Variants in CCDC88A observed in about 807,000 individuals in gnomAD.
The protein encoded by CCDC88A is coiled-coil and HOOK domain protein 88A.
In CCDC88A, 54 loss-of-function variants were observed where a neutral mutation model predicts 234.3. The observed-to-expected ratio is 0.23, with a 90% CI of 0.19 to 0.29. The LOEUF is 0.29. Ranked by LOEUF, CCDC88A falls within the 10% of genes least tolerant of loss-of-function variation. CCDC88A has a pLI of 1.00. For missense variants in CCDC88A, 1,832 were observed against 2,123.4 expected (o/e 0.86, Z 2.70); for synonymous variants, 753 against 737.8 (o/e 1.02, Z -0.33).
intron 4 of CCDC88A, 34 bp from the exon 5 acceptor site, chr2:55,372,544 T>C: frequency 9.8e-7 from 1 of 1,015,600 alleles, no homozygotes; most frequent in Non-Finnish European, 1.5e-6. Flanking sequence ...GACAACATTC[T>C]GCTATATTTT....
At position 55,335,424 on chromosome 2, in the gene CCDC88A, G is replaced by T. The variant is rs1414558107; in HGVS notation, c.1657-260C>A. Among the ~76,000 whole-genome samples, 2 of 152,168 alleles carry T rather than the reference G, an allele frequency of 1.3e-5. No individual in the cohort carries two copies. The highest frequency in any genetic ancestry group is 2.4e-5 in the African/African-American group (1 of 41,446). ...GTTCACAGTTTAAAGGAACGGTTGA[G>T]AAATGTATTTTCTATTAATCATAAT... On this transcript the variant is annotated intron_variant, in intron 14 of 32. Transcript: ENST00000436346. The surrounding 1 kb of genome is among the most constrained non-coding windows in gnomAD (Gnocchi z 4.5).
At chr2:55,295,308 C>G (rs1363367313) in intron 31 of CCDC88A, 2 of 1,450,582 alleles carry the variant, frequency 1.4e-6, no homozygotes, top group Admixed American at 2.1e-5. Flanking sequence ...AGGTAACCCA[C>G]TTATGTTACT....
At chr2:55,378,738 C>CTTTT (rs79242911) in intron 3 of CCDC88A, among the ~76,000 whole-genome samples, 5 of 142,884 alleles carry the variant, frequency 3.5e-5, no homozygotes, top group African/African-American at 5.4e-5. Flanking sequence ...TACACATATA[C>CTTTT]TTTTTTTTTT....
At chr2:55,303,268 G>C (rs1343920840) in intron 25 of CCDC88A, 116 bp from the exon 26 acceptor site, 19 of 694,024 alleles carry the variant, frequency 2.7e-5, no homozygotes, top group Non-Finnish European at 4.2e-5. Context: ...TTGAGTTTTA[G>C]CTATGTATGC....
chr2:55,331,475 C>T (rs2576716), intron 16 of CCDC88A, among the ~76,000 whole-genome samples: 70,604 of 151,898 alleles, frequency 0.46, 17,783 homozygotes, highest in East Asian at 0.85. Flanking sequence ...CATTAATTCT[C>T]CCAATATACA....
At chr2:55,364,148 T>G in intron 5 of CCDC88A, 115 bp from the exon 6 acceptor site, 1 of 507,896 alleles carries the variant, frequency 2.0e-6, no homozygotes. Flanking sequence ...TAGTAAGAGT[T>G]TTGTTTTGCA....
intron 2 of CCDC88A, among the ~76,000 whole-genome samples, chr2:55,393,289 GT>G (rs558827055): frequency 0.025 from 1,544 of 61,462 alleles, 2 homozygotes; most frequent in African/African-American, 0.095. Context: ...GGTTTTTTGG[GT>G]TTTTTTTTTT....
intron 2 of CCDC88A, among the ~76,000 whole-genome samples, chr2:55,413,734 G>A (rs562979701): frequency 6.6e-6 from 1 of 152,012 alleles, no homozygotes; most frequent in African/African-American, 2.4e-5. Flanking sequence ...GGGAGGCTGA[G>A]GTGGGTGGAT....
chr2:55,370,033 A>G (rs903765150), intron 5 of CCDC88A, among the ~76,000 whole-genome samples: 2 of 152,210 alleles, frequency 1.3e-5, no homozygotes, highest in Non-Finnish European at 2.9e-5. Context: ...ATGCAGAATG[A>G]TAACATTTTT....
Position 55,318,834 on chromosome 2 carries a change from T to C in CCDC88A, c.3324+9A>G, listed in dbSNP as rs1574084420. 1.3e-6 allele frequency: 2 copies of C among 1,572,298 alleles called. No homozygotes were observed. The highest frequency in any genetic ancestry group is 1.7e-6 in the Non-Finnish European group (2 of 1,153,610). The stretch of plus-strand genomic sequence containing the variant: ...TTGGTTGCATATTCCCAAAATATTA[T>C]ATTACAACCTGAAGCTTGGCATTCT... On this transcript the variant is annotated intron_variant, in intron 19 of 32. Transcript: ENST00000436346.
intron 3 of CCDC88A, among the ~76,000 whole-genome samples, chr2:55,375,793 G>A (rs1396095291): frequency 1.3e-5 from 2 of 151,810 alleles, no homozygotes; most frequent in African/African-American, 4.8e-5. Context: ...CTCCCAAAGT[G>A]TTGAGATTAC....
chr2:55,309,050 A>G lies in CCDC88A; in HGVS notation c.4173-27T>C, dbSNP rs1000071160. On this transcript the variant is annotated intron_variant, in intron 24 of 32. Coordinates refer to ENST00000436346, the MANE Select transcript of CCDC88A (RefSeq NM_001365480.1). The surrounding 1 kb of genome is among the most constrained non-coding windows in gnomAD (Gnocchi z 5.1). ...TAACAGAATTTTAAAAATTGTTATC[A>G]GTTTAAAATTCAACATACAAATCCT... The G allele has an allele frequency of 6.4e-7, 1 of 1,557,854 alleles. No homozygotes were observed.
chr2:55,362,966 C>T (rs1671511032), intron 6 of CCDC88A, among the ~76,000 whole-genome samples: 1 of 151,930 alleles, frequency 6.6e-6, no homozygotes, highest in South Asian at 2.1e-4. Context: ...ATATAAGTGC[C>T]TTCCATTTCT....
At chr2:55,415,779 T>G (rs1307889999) in intron 2 of CCDC88A, among the ~76,000 whole-genome samples, 1 of 152,214 alleles carries the variant, frequency 6.6e-6, no homozygotes, top group East Asian at 1.9e-4. Flanking sequence ...AAGTAGGTCC[T>G]GTTTCCACCA....
chr2:55,393,293 T>TTTTG (rs1486677835), intron 2 of CCDC88A, among the ~76,000 whole-genome samples: 1 of 122,146 alleles, frequency 8.2e-6, no homozygotes, highest in East Asian at 2.3e-4. Flanking sequence ...TTTTGGGTTT[T>TTTTG]TTTTTTTTTT....
At chr2:55,302,890 T>C (rs544833474) in intron 26 of CCDC88A, 179 bp downstream of exon 26, 7 of 533,130 alleles carry the variant, frequency 1.3e-5, no homozygotes, top group African/African-American at 5.7e-5. Context: ...AGTGGACATA[T>C]ACATAATGCA....
chr2:55,308,622 C>G (rs1485328359), intron 25 of CCDC88A, 187 bp downstream of exon 25: 2 of 562,728 alleles, frequency 3.6e-6, no homozygotes, highest in Admixed American at 3.2e-5. Flanking sequence ...GATAGTATAT[C>G]TGTGTATGAT....
intron 18 of CCDC88A, among the ~76,000 whole-genome samples, chr2:55,321,845 G>C (rs576973108): frequency 6.6e-6 from 1 of 151,660 alleles, no homozygotes; most frequent in South Asian, 2.1e-4. Context: ...GAATGAGAAA[G>C]TAGAAATCAT....
At chr2:55,369,988 T>TCC (rs1672583073) in intron 5 of CCDC88A, among the ~76,000 whole-genome samples, 1 of 151,990 alleles carries the variant, frequency 6.6e-6, no homozygotes, top group Non-Finnish European at 1.5e-5. Context: ...CCATAAACAT[T>TCC]AAAAGAAAAA....
Sources: allele counts gnomAD v4.1 joint callset (sites outside exome capture counted in the v4.1 genomes callset), GRCh38; gene constraint gnomAD v4.1.1; non-coding constraint Gnocchi (gnomAD v3.1); transcripts MANE v1.5; gene names NCBI Gene and HGNC (gene_info 2026-07-23, HGNC 2026-07-21).